MINDY2: variants seen among roughly 807,000 people sequenced by gnomAD.
The protein encoded by MINDY2 is MINDY lysine 48 deubiquitinase 2.
A neutral mutation model predicts 68.2 loss-of-function variants in MINDY2; 52 were observed. The observed-to-expected ratio is 0.76, with a 90% CI of 0.61 to 0.96. MINDY2 has a LOEUF of 0.96. Ranked by LOEUF, MINDY2 falls within the 40% of genes least tolerant of loss-of-function variation. The pLI, the probability that MINDY2 is intolerant of heterozygous loss-of-function variation, is 0.00. For synonymous variants in MINDY2, 372 were observed against 303.0 expected (o/e 1.23, Z -2.36); for missense variants, 881 against 773.4 (o/e 1.14, Z -1.65).
intron 2 of MINDY2, among the ~76,000 whole-genome samples, chr15:58,799,661 C>A (rs1902512573): frequency 6.6e-6 from 1 of 151,784 alleles, no homozygotes; most frequent in African/African-American, 2.4e-5. Flanking sequence ...GCTGAAGTAC[C>A]CCAAGGAAAT....
intron 2 of MINDY2, among the ~76,000 whole-genome samples, chr15:58,790,715 G>C (rs933157142): frequency 6.6e-6 from 1 of 152,130 alleles, no homozygotes; most frequent in Non-Finnish European, 1.5e-5. Context: ...AGAGTTGACA[G>C]AATTTGCTGA....
chr15:58,800,397 A>G (rs1902563065), intron 2 of MINDY2, among the ~76,000 whole-genome samples: 1 of 152,096 alleles, frequency 6.6e-6, no homozygotes, highest in African/African-American at 2.4e-5. Flanking sequence ...TCTACTTAAA[A>G]GTATAAAGAT....
At chr15:58,805,857 C>T (rs1179025509) in intron 3 of MINDY2, among the ~76,000 whole-genome samples, 1 of 152,110 alleles carries the variant, frequency 6.6e-6, no homozygotes, top group African/African-American at 2.4e-5. Flanking sequence ...GGGGGGATCA[C>T]AAGGTCTGGA....
intron 1 of MINDY2, among the ~76,000 whole-genome samples, chr15:58,785,894 G>A (rs1479678547): frequency 6.6e-6 from 1 of 151,990 alleles, no homozygotes; most frequent in South Asian, 2.1e-4. Flanking sequence ...GGCCAGGCTC[G>A]TCTCGTACTC....
intron 1 of MINDY2, among the ~76,000 whole-genome samples, chr15:58,787,049 C>T (rs1282091385): frequency 6.6e-6 from 1 of 151,850 alleles, no homozygotes; most frequent in Non-Finnish European, 1.5e-5. Context: ...AGGCTGGTCT[C>T]GAACTCCCAA....
intron 6 of MINDY2, among the ~76,000 whole-genome samples, chr15:58,840,929 A>C (rs2032249299): frequency 6.7e-6 from 1 of 149,650 alleles, no homozygotes; most frequent in Non-Finnish European, 1.5e-5. Flanking sequence ...CGGCCTCCCA[A>C]AGTGCTGGAA....
intron 3 of MINDY2, among the ~76,000 whole-genome samples, chr15:58,804,001 G>A (rs1259771606): frequency 2.7e-5 from 4 of 149,398 alleles, no homozygotes; most frequent in East Asian, 2.0e-4. Flanking sequence ...GGTGGCAGGC[G>A]CCTGTAAGTC....
Position 58,772,254 on chromosome 15 carries a change from T to C in MINDY2, c.840+19T>C. ...CTGGAAGGTACATTCTGCAGCTTTC[T>C]ACTTCCTACAGCTTTTGGGGTGGAG... On this transcript the variant is annotated intron_variant, in intron 1 of 8. Transcript: ENST00000559228. 1 of 1,606,194 alleles carries C rather than the reference T, an allele frequency of 6.2e-7. No individual in the cohort carries two copies. The highest frequency in any genetic ancestry group is 8.5e-7 in the Non-Finnish European group (1 of 1,179,760).
rs2033016893 is a variant in MINDY2 at position 58,855,109 on chromosome 15, G to A, written c.*499G>A. The A allele has an allele frequency of 6.5e-6, 1 of 153,150 alleles. No homozygotes were observed. The highest frequency in any genetic ancestry group is 1.5e-5 in the Non-Finnish European group (1 of 68,500). The allele number at this position is 153,150 out of a possible 1,614,324, so 9.5% of individuals were successfully genotyped here. On this transcript the variant is annotated 3_prime_UTR_variant, in exon 9 of 9. Transcript: ENST00000559228. ...CAAAAAAACAAAAACAAAAGAATAG[G>A]AATAAATAACCCTTAATTGTATATT...
intron 6 of MINDY2, among the ~76,000 whole-genome samples, chr15:58,836,497 A>C (rs2031999935): frequency 6.6e-6 from 1 of 152,158 alleles, no homozygotes; most frequent in African/African-American, 2.4e-5. Context: ...ATGATTATTT[A>C]TGCCCCATTA....
chr15:58,834,749 TTCA>T (rs2031912041), intron 6 of MINDY2, among the ~76,000 whole-genome samples: 1 of 152,242 alleles, frequency 6.6e-6, no homozygotes, highest in African/African-American at 2.4e-5. Context: ...GAATTACATC[TTCA>T]TATTTTCTTC....
intron 2 of MINDY2, among the ~76,000 whole-genome samples, chr15:58,791,213 TTTTA>T (rs1475319822): frequency 1.3e-4 from 5 of 38,338 alleles, no homozygotes; most frequent in African/African-American, 2.6e-4. Context: ...AGGAAAGCAA[TTTTA>T]TATATATATA....
At chr15:58,833,812 C>T (rs2031861623) in intron 6 of MINDY2, among the ~76,000 whole-genome samples, 2 of 152,044 alleles carry the variant, frequency 1.3e-5, no homozygotes, top group South Asian at 2.1e-4. Flanking sequence ...CAGAAGCCTT[C>T]CTCTTATCTC....
chr15:58,811,101 A>G (rs1415130932), intron 4 of MINDY2, among the ~76,000 whole-genome samples: 1 of 152,230 alleles, frequency 6.6e-6, no homozygotes, highest in Non-Finnish European at 1.5e-5. Flanking sequence ...GCCCACAATA[A>G]ATAACACAGT....
At chr15:58,848,712 C>T (rs1236424521) in intron 7 of MINDY2, among the ~76,000 whole-genome samples, 1 of 152,166 alleles carries the variant, frequency 6.6e-6, no homozygotes, top group African/African-American at 2.4e-5. Flanking sequence ...TGCCACTGCA[C>T]TCCAGCCTGG....
At chr15:58,852,331 G>A (rs1323938076) in intron 8 of MINDY2, among the ~76,000 whole-genome samples, 5 of 137,964 alleles carry the variant, frequency 3.6e-5, no homozygotes, top group African/African-American at 8.0e-5. Context: ...AGTAAATTTC[G>A]CTTGAGATAA....
chr15:58,798,009 T>C (rs1902395919), intron 2 of MINDY2, among the ~76,000 whole-genome samples: 1 of 152,220 alleles, frequency 6.6e-6, no homozygotes, highest in Non-Finnish European at 1.5e-5. Context: ...TGATTTAAAG[T>C]ATGCTGAAAA....
At chr15:58,777,948 T>G (rs1365841380) in intron 1 of MINDY2, among the ~76,000 whole-genome samples, 1 of 152,194 alleles carries the variant, frequency 6.6e-6, no homozygotes, top group Non-Finnish European at 1.5e-5. Flanking sequence ...TGATTTTTAA[T>G]AGTTTTTAAA....
In MINDY2 at chr15:58,772,102, G is replaced by A. The variant is rs752341396; in HGVS notation, c.707G>A (p.Arg236His). The change falls in exon 1 of 9, where the codon CGC becomes CAC. Residue 236 changes from arginine to histidine, a missense_variant. Coordinates refer to ENST00000559228, the MANE Select transcript of MINDY2 (RefSeq NM_001040450.3). ...CAGGTGCTGGCGGCCTCCAAGGAAC[G>A]CTTCCCGGGACAATCTGTGTATCAC... ...TAQVLAASKE[R>H]FPGQSVYHIK... is the part of the protein sequence containing the mutation. 6.2e-7 allele frequency: 1 copy of A among 1,613,914 alleles called. No individual in the cohort carries two copies. Among genetic ancestry groups the A allele is most frequent in the Admixed American group, 1.7e-5 (1 of 59,986 alleles).
Sources: allele counts gnomAD v4.1 joint callset (sites outside exome capture counted in the v4.1 genomes callset), GRCh38; gene constraint gnomAD v4.1.1; transcripts MANE v1.5; gene names NCBI Gene and HGNC (gene_info 2026-07-23, HGNC 2026-07-21).